SERINC1: variants seen among roughly 807,000 people sequenced by gnomAD.
SERINC1 encodes tumor differentially expressed protein 2.
A neutral mutation model predicts 52.9 loss-of-function variants in SERINC1; 38 were observed. The ratio of observed to expected loss-of-function variants is 0.72; its 90% CI spans 0.55 to 0.94. SERINC1 has a LOEUF of 0.94. SERINC1 is among the 40% of genes least tolerant of loss of function. SERINC1 has a pLI of 0.00. For synonymous variants in SERINC1, 198 were observed against 183.1 expected, an observed-to-expected ratio of 1.08 and a Z score of -0.66; for missense variants, 471 against 533.9, an observed-to-expected ratio of 0.88 and a Z score of 1.16.
chr6:122,457,289 C>A (rs1775014703), intron 2 of SERINC1, among the ~76,000 whole-genome samples: 1 of 152,282 alleles, frequency 6.6e-6, no homozygotes, highest in Admixed American at 6.5e-5. Flanking sequence ...TCTCCACTAA[C>A]TCCCTTAAGT....
rs1483614601 is a variant in SERINC1 at position 122,443,552 on chromosome 6, A to T, written c.*1492T>A. ...CACATACAAATAACTAAACTCTCAT[A>T]CTGCTTGATTTTCAGGTTGAAAGGT... On this transcript the variant is annotated 3_prime_UTR_variant, in exon 10 of 10. Coordinates refer to ENST00000339697, the MANE Select transcript of SERINC1 (RefSeq NM_020755.4). 6.6e-6 allele frequency: 1 copy of T among 152,174 alleles called. No homozygotes were observed. The highest frequency in any genetic ancestry group is 1.5e-5 in the Non-Finnish European group (1 of 68,030). The allele number at this position is 152,174 out of a possible 1,614,324, so 9.4% of individuals were successfully genotyped here.
At chr6:122,466,700 CG>C (rs1212199967) in intron 1 of SERINC1, among the ~76,000 whole-genome samples, 1 of 152,020 alleles carries the variant, frequency 6.6e-6, no homozygotes, top group Non-Finnish European at 1.5e-5. Context: ...TAAAATTCAA[CG>C]GAAGTTCTGA....
intron 7 of SERINC1, among the ~76,000 whole-genome samples, chr6:122,450,628 A>G (rs1251884656): frequency 6.6e-6 from 1 of 152,242 alleles, no homozygotes; most frequent in African/African-American, 2.4e-5. Flanking sequence ...AACCTTCTGG[A>G]AAAGATTCAC....
At chr6:122,453,318 C>T (rs1774943870) in intron 5 of SERINC1, among the ~76,000 whole-genome samples, 1 of 152,164 alleles carries the variant, frequency 6.6e-6, no homozygotes, top group Non-Finnish European at 1.5e-5. Flanking sequence ...TATTGATGCA[C>T]ATAAAAGCAT....
intron 1 of SERINC1, among the ~76,000 whole-genome samples, chr6:122,460,008 A>G (rs1351999949): frequency 6.6e-6 from 1 of 152,200 alleles, no homozygotes; most frequent in East Asian, 1.9e-4. Flanking sequence ...ACAACAGGCA[A>G]TGTAAAGCCA....
chr6:122,465,827 T>C (rs1775180663), intron 1 of SERINC1, among the ~76,000 whole-genome samples: 1 of 152,212 alleles, frequency 6.6e-6, no homozygotes, highest in African/African-American at 2.4e-5. Context: ...TTTAATATAC[T>C]TACAGAGTAT....
intron 1 of SERINC1, among the ~76,000 whole-genome samples, chr6:122,465,464 T>C (rs987890633): frequency 6.6e-6 from 1 of 152,178 alleles, no homozygotes; most frequent in African/African-American, 2.4e-5. Context: ...AAGTCAAATT[T>C]TATGTACTGA....
intron 7 of SERINC1, among the ~76,000 whole-genome samples, chr6:122,448,877 A>G (rs1182202569): frequency 7.0e-6 from 1 of 143,520 alleles, no homozygotes; most frequent in Non-Finnish European, 1.5e-5. Flanking sequence ...AAACAAGTCT[A>G]TTGGTTCCAT....
chr6:122,454,244 A>C lies in SERINC1; in HGVS notation c.372-14T>G. ...AAGAACCAAAATCTAAAACAAAAAG[A>C]AATATAATTTTTTATTAATAGACAT... is the stretch of plus-strand genomic sequence containing the variant. On this transcript the variant is annotated splice_polypyrimidine_tract_variant and intron_variant, in intron 3 of 9. Coordinates refer to ENST00000339697, the MANE Select transcript of SERINC1 (RefSeq NM_020755.4). The C allele has an allele frequency of 3.5e-6, 5 of 1,408,948 alleles. No homozygotes were observed. Among genetic ancestry groups the C allele is most frequent in the Non-Finnish European group, 4.9e-6 (5 of 1,021,478 alleles). 87.3% of individuals were successfully genotyped at this position (1,408,948 alleles called of 1,614,324 possible). A position where few individuals can be genotyped will look rare whatever the true frequency, so the allele number is the denominator to read the frequency against.
intron 7 of SERINC1, among the ~76,000 whole-genome samples, chr6:122,449,731 C>T (rs1204141796): frequency 6.6e-6 from 1 of 152,166 alleles, no homozygotes; most frequent in African/African-American, 2.4e-5. Flanking sequence ...AAAGTAGCTA[C>T]ACTGGTCAGG....
intron 9 of SERINC1, among the ~76,000 whole-genome samples, chr6:122,446,267 G>T (rs1467820457): frequency 6.6e-6 from 1 of 151,860 alleles, no homozygotes; most frequent in Non-Finnish European, 1.5e-5. Flanking sequence ...AAAAAAAGTA[G>T]CTTGTAAGAA....
chr6:122,459,004 A>G (rs567056275), intron 1 of SERINC1, among the ~76,000 whole-genome samples: 1 of 152,300 alleles, frequency 6.6e-6, no homozygotes, highest in East Asian at 1.9e-4. Context: ...ATTCATGAGT[A>G]GCACAGCTGC....
chr6:122,462,265 A>G (rs1009727961), intron 1 of SERINC1, among the ~76,000 whole-genome samples: 3 of 152,242 alleles, frequency 2.0e-5, no homozygotes, highest in Non-Finnish European at 4.4e-5. Flanking sequence ...GCTCTCACCC[A>G]TAATTAATGA....
intron 5 of SERINC1, 28 bp downstream of exon 5, chr6:122,453,742 C>A (rs1774950298): frequency 2.6e-6 from 4 of 1,568,052 alleles, no homozygotes; most frequent in African/African-American, 2.7e-5. Flanking sequence ...TTCAACTATA[C>A]TGAAGTTGTT....
rs1163911203 is a variant in SERINC1 at position 122,444,780 on chromosome 6, T to C, written c.*264A>G. On this transcript the variant is annotated 3_prime_UTR_variant, in exon 10 of 10. Coordinates refer to ENST00000339697, the MANE Select transcript of SERINC1 (RefSeq NM_020755.4). ...GTTTTTACTCTTCATTTCACAACTATAGAGCAGAGAATAAGCCCAATAATG... is the reference window on the plus strand; with the variant it reads ...GTTTTTACTCTTCATTTCACAACTACAGAGCAGAGAATAAGCCCAATAATG... 5.4e-6 allele frequency: 2 copies of C among 371,386 alleles called. No homozygotes were observed. Among genetic ancestry groups the C allele is most frequent in the Non-Finnish European group, 4.8e-6 (1 of 207,458 alleles). The allele number at this position is 371,386 out of a possible 1,614,324, so 23.0% of individuals were successfully genotyped here.
intron 1 of SERINC1, among the ~76,000 whole-genome samples, chr6:122,464,473 C>T (rs552453456): frequency 5.1e-4 from 78 of 152,130 alleles, no homozygotes; most frequent in Non-Finnish European, 1.0e-3. Context: ...TAAACAAAAA[C>T]TCTTCAGCTA....
In SERINC1 at chr6:122,445,134, C is replaced by G. The variant is rs1422552786; in HGVS notation, c.1272G>C (p.Trp424Cys). 1.2e-6 allele frequency: 2 copies of G among 1,614,026 alleles called. No individual in the cohort carries two copies. The highest frequency in any genetic ancestry group is 1.7e-6 in the Non-Finnish European group (2 of 1,179,912). The stretch of plus-strand genomic sequence containing the variant: ...CAATCCAACTGGAAGAGATTTTCAC[C>G]CAGACAGCTGTCCACTGACTTTTCA... ...REMKSQWTAV[W>C]VKISSSWIGI... Residue 424 changes from tryptophan (W) to cysteine (C), a missense_variant, in exon 10 of 10, where the codon TGG (tryptophan) becomes TGC (cysteine). Trp to Cys is a radical substitution (Grantham distance 215, BLOSUM62 -2). Transcript: ENST00000339697.
chr6:122,455,330 C>T (rs1774976136), intron 3 of SERINC1, among the ~76,000 whole-genome samples: 1 of 151,972 alleles, frequency 6.6e-6, no homozygotes, highest in Admixed American at 6.6e-5. Context: ...CTGGGAAAGG[C>T]AGACACACCC....
Position 122,458,534 on chromosome 6 carries a change from C to T in SERINC1, c.187G>A (p.Glu63Lys). The change falls in exon 2 of 10, where the codon GAA becomes AAA. Residue 63 changes from glutamate to lysine, a missense_variant. Glu to Lys is a moderately conservative substitution (Grantham distance 56). Coordinates refer to ENST00000339697, the MANE Select transcript of SERINC1 (RefSeq NM_020755.4). ...ACGAGACTAACCTTATTCAGTTGTTCTTCCATTCCTGGTATCAACATTACA... is the reference window on the plus strand; with the variant it reads ...ACGAGACTAACCTTATTCAGTTGTTTTTCCATTCCTGGTATCAACATTACA... Reference protein sequence around the residue: ...ACVMLIPGMEEQLNKIPGFCE... With the variant: ...ACVMLIPGMEKQLNKIPGFCE... The T allele has an allele frequency of 6.2e-7, 1 of 1,612,196 alleles. No homozygotes were observed. The highest frequency in any genetic ancestry group is 8.5e-7 in the Non-Finnish European group (1 of 1,178,638).
Sources: allele counts gnomAD v4.1 joint callset (sites outside exome capture counted in the v4.1 genomes callset), GRCh38; gene constraint gnomAD v4.1.1; transcripts MANE v1.5; gene names NCBI Gene and HGNC (gene_info 2026-07-23, HGNC 2026-07-21).